EHMT1: variants seen among roughly 807,000 people sequenced by gnomAD.
EHMT1 encodes the protein euchromatic histone lysine methyltransferase 1, also known as histone-lysine N-methyltransferase EHMT1.
Under a neutral mutation model 147.2 loss-of-function variants are expected in EHMT1, and 15 were observed. The ratio of observed to expected loss-of-function variants is 0.10; its 90% CI spans 0.07 to 0.16. The LOEUF (loss-of-function observed/expected upper bound fraction) is 0.16. EHMT1 is among the 10% of genes least tolerant of loss of function. The pLI is 1.00. For missense variants in EHMT1, 1,587 were observed against 1,772.4 expected (o/e 0.90, Z 1.88); for synonymous variants, 795 against 709.6 (o/e 1.12, Z -1.91).
chr9:137,624,834 A>G (rs1055426233), intron 1 of EHMT1, among the ~76,000 whole-genome samples: 2 of 150,338 alleles, frequency 1.3e-5, no homozygotes, highest in African/African-American at 2.4e-5. Flanking sequence ...GGCCTCCTGA[A>G]GTTCTGGGAT....
intron 1 of EHMT1, among the ~76,000 whole-genome samples, chr9:137,683,791 A>G (rs1039784161): frequency 1.3e-5 from 2 of 152,144 alleles, no homozygotes; most frequent in Non-Finnish European, 2.9e-5. Context: ...CTTTATTTAA[A>G]TTAAAAAAAT....
rs1300296184 is a variant in EHMT1 at position 137,835,382 on chromosome 9, G to A, written c.*429G>A. The A allele has an allele frequency of 6.4e-6, 1 of 157,462 alleles. No homozygotes were observed. The highest frequency in any genetic ancestry group is 2.4e-5 in the African/African-American group (1 of 41,614). 9.8% of individuals were successfully genotyped at this position (157,462 alleles called of 1,614,324 possible). ...GCGCCGCCGAAGCCACCGTTAGCGC[G>A]AGCTGCTCCGTTCGCCCTGCCCACG... On this transcript the variant is annotated 3_prime_UTR_variant, in exon 27 of 27. Coordinates refer to ENST00000460843, the MANE Select transcript of EHMT1 (RefSeq NM_024757.5).
At chr9:137,805,874 G>A (rs1390360568) in intron 18 of EHMT1, among the ~76,000 whole-genome samples, 1 of 150,946 alleles carries the variant, frequency 6.6e-6, no homozygotes, top group Admixed American at 6.6e-5. Flanking sequence ...TCTTGGTCAG[G>A]CTGGTCTCAA....
At chr9:137,818,265 A>G (rs932592203) in intron 25 of EHMT1, 127 bp downstream of exon 25, 3 of 1,056,046 alleles carry the variant, frequency 2.8e-6, no homozygotes, top group Non-Finnish European at 4.4e-6. Context: ...CTTGCTATAG[A>G]CCTGCTGAGT....
In EHMT1 at chr9:137,626,606, C is replaced by T. The variant is rs564896545; in HGVS notation, c.21+7557C>T. On this transcript the variant is annotated intron_variant, in intron 1 of 26. Transcript: ENST00000460843. ...TTCGTTCCTCTTTGCTGTCTTATCT[C>T]TTAGTCTTTCTTCTATGATGTAACC... Among the ~76,000 whole-genome samples the T allele has an allele frequency of 2.3e-3, 341 of 150,932 alleles. 1 individual carries two copies. Among genetic ancestry groups the T allele is most frequent in the Middle Eastern group, 0.01 (3 of 286 alleles).
intron 1 of EHMT1, among the ~76,000 whole-genome samples, chr9:137,710,636 A>G (rs1944621062): frequency 6.6e-6 from 1 of 152,198 alleles, no homozygotes; most frequent in Non-Finnish European, 1.5e-5. Flanking sequence ...TGTCAGCAGT[A>G]GAATGCATTT....
At chr9:137,788,171 C>T (rs528460711) in intron 15 of EHMT1, 130 of 754,548 alleles carry the variant, frequency 1.7e-4, no homozygotes, top group Non-Finnish European at 2.3e-4. Context: ...CACTGCACCC[C>T]GTACCTGCCT....
intron 2 of EHMT1, among the ~76,000 whole-genome samples, chr9:137,711,919 A>G (rs1342754085): frequency 2.0e-5 from 3 of 152,148 alleles, no homozygotes; most frequent in African/African-American, 4.8e-5. Flanking sequence ...CTGGCTCCTC[A>G]TGGACTGTGG....
intron 25 of EHMT1, among the ~76,000 whole-genome samples, chr9:137,823,319 C>T (rs1405083634): frequency 6.0e-5 from 9 of 150,908 alleles, no homozygotes; most frequent in African/African-American, 1.9e-4. Context: ...AGGATGGTCT[C>T]GATCTCCTGA....
chr9:137,635,662 T>C (rs1247201289), intron 1 of EHMT1, among the ~76,000 whole-genome samples: 1 of 150,804 alleles, frequency 6.6e-6, no homozygotes, highest in Non-Finnish European at 1.5e-5. Flanking sequence ...CTACTAAAAA[T>C]ACAAAAAATT....
At chr9:137,644,911 T>A (rs950700472) in intron 1 of EHMT1, among the ~76,000 whole-genome samples, 1 of 152,160 alleles carries the variant, frequency 6.6e-6, no homozygotes, top group Non-Finnish European at 1.5e-5. Context: ...CTCCCTCTGT[T>A]GCCCAGGCTG....
chr9:137,791,759 T>A (rs931661102), intron 16 of EHMT1, among the ~76,000 whole-genome samples: 3 of 152,176 alleles, frequency 2.0e-5, no homozygotes, highest in African/African-American at 7.2e-5. Flanking sequence ...TTTGAGACAG[T>A]CTTGCTCTGT....
intron 25 of EHMT1, among the ~76,000 whole-genome samples, chr9:137,832,402 C>T (rs1438122954): frequency 2.0e-5 from 3 of 150,924 alleles, no homozygotes; most frequent in Non-Finnish European, 2.9e-5. Flanking sequence ...CCACAGGCCC[C>T]GCCTCCCACG....
chr9:137,660,009 T>C (rs1174405017), intron 1 of EHMT1, among the ~76,000 whole-genome samples: 1 of 152,148 alleles, frequency 6.6e-6, no homozygotes, highest in Non-Finnish European at 1.5e-5. Flanking sequence ...TTTCTTTTTT[T>C]AATGTAAATC....
In EHMT1 at chr9:137,826,247, G is replaced by A. The variant is rs1955806185; in HGVS notation, c.3541-8102G>A. On this transcript the variant is annotated intron_variant, in intron 25 of 26. Coordinates refer to ENST00000460843, the MANE Select transcript of EHMT1 (RefSeq NM_024757.5). ...CTTCCAGCATCTGGCATCTCTGTAG[G>A]TCTGTTTCTAGCATCTGTTTTGCTG... is the stretch of plus-strand genomic sequence containing the variant. 2.0e-5 allele frequency among the ~76,000 whole-genome samples: 3 copies of A among 152,258 alleles called. No homozygotes were observed. In the South Asian group the frequency reaches 6.2e-4, roughly 32 times the overall value.
At position 137,732,462 on chromosome 9, in the gene EHMT1, G is replaced by A. The variant is rs11137191; in HGVS notation, c.823+3933G>A. ...ATTGAGCAGCAGAACAGCTCTCAGC[G>A]GAGAGGAGACCCAAAGTCAGTAGCT... is the stretch of plus-strand genomic sequence containing the variant. On this transcript the variant is annotated intron_variant, in intron 4 of 26. Coordinates refer to ENST00000460843, the MANE Select transcript of EHMT1 (RefSeq NM_024757.5). The surrounding 1 kb of genome is among the most constrained non-coding windows in gnomAD (Gnocchi z 4.6). 0.041 allele frequency among the ~76,000 whole-genome samples: 6,274 copies of A among 152,288 alleles called. 409 individuals are homozygous for A. The highest frequency in any genetic ancestry group is 0.14 in the African/African-American group (5,619 of 41,528).
intron 4 of EHMT1, chr9:137,743,001 T>A (rs1564674398): frequency 3.0e-6 from 1 of 330,366 alleles, no homozygotes; most frequent in Non-Finnish European, 5.8e-6. Context: ...TGAGAGGACT[T>A]CTCAAGGGTA....
rs559706048 is a variant in EHMT1 at position 137,716,870 on chromosome 9, T to C, written c.330T>C (p.Thr110=). 6.2e-7 allele frequency: 1 copy of C among 1,613,296 alleles called. No homozygotes were observed. Among genetic ancestry groups the C allele is most frequent in the Admixed American group, 1.7e-5 (1 of 60,008 alleles). The change falls in exon 3 of 27, where the codon ACT becomes ACC. Residue 110 remains threonine, a synonymous_variant. Transcript: ENST00000460843. ...DSEAAKQNHV[T]ADDFVQTSVI... ...AAGCGGCGAAGCAAAACCACGTCAC[T>C]GCCGACGACTTTGTGCAGACTTCTG...
At chr9:137,670,407 C>T (rs992668654) in intron 1 of EHMT1, among the ~76,000 whole-genome samples, 3 of 152,130 alleles carry the variant, frequency 2.0e-5, no homozygotes, top group Admixed American at 2.0e-4. Flanking sequence ...CCGGTAGTGT[C>T]CTCACTTAGT....
Sources: allele counts gnomAD v4.1 joint callset (sites outside exome capture counted in the v4.1 genomes callset), GRCh38; gene constraint gnomAD v4.1.1; non-coding constraint Gnocchi (gnomAD v3.1); transcripts MANE v1.5; gene names NCBI Gene and HGNC (gene_info 2026-07-23, HGNC 2026-07-21).